Variants in PACRG observed in about 807,000 individuals in gnomAD.
PACRG encodes parkin coregulated, also known as parkin coregulated gene protein.
A neutral mutation model predicts 29.7 loss-of-function variants in PACRG; 29 were observed. The observed-to-expected ratio is 0.98, with a 90% CI of 0.73 to 1.33. The LOEUF (loss-of-function observed/expected upper bound fraction) is 1.33. Ranked by LOEUF, PACRG falls within the 40% of genes most tolerant of loss-of-function variation. The pLI is 0.00. For missense variants in PACRG, 279 were observed against 316.2 expected (o/e 0.88, Z 0.89); for synonymous variants, 116 against 118.7 (o/e 0.98, Z 0.15).
At chr6:163,088,229 C>A (rs758103499) in intron 3 of PACRG, among the ~76,000 whole-genome samples, 3 of 152,164 alleles carry the variant, frequency 2.0e-5, no homozygotes, top group Non-Finnish European at 2.9e-5. Context: ...TGTCCCTTCA[C>A]AGTGGCATCT....
At chr6:162,810,931 T>G (rs954233114) in intron 1 of PACRG, among the ~76,000 whole-genome samples, 2 of 152,046 alleles carry the variant, frequency 1.3e-5, no homozygotes, top group East Asian at 3.9e-4. Context: ...ACCTACAGAT[T>G]CACAAAGTTG....
At chr6:162,933,040 G>A (rs1797967336) in intron 2 of PACRG, among the ~76,000 whole-genome samples, 1 of 151,818 alleles carries the variant, frequency 6.6e-6, no homozygotes, top group South Asian at 2.1e-4. Context: ...TATCTCATAT[G>A]ATTTGGTATA....
chr6:163,302,348 C>G (rs376137220), intron 4 of PACRG, among the ~76,000 whole-genome samples: 29 of 151,222 alleles, frequency 1.9e-4, no homozygotes, highest in East Asian at 1.8e-3. Flanking sequence ...CAAGCATTTT[C>G]AGACTGTGTC....
chr6:163,092,285 G>A (rs1228697693), intron 4 of PACRG, among the ~76,000 whole-genome samples: 1 of 151,684 alleles, frequency 6.6e-6, no homozygotes, highest in African/African-American at 2.4e-5. Flanking sequence ...GAGCCAGGGA[G>A]CTAGACATTG....
At chr6:163,204,534 C>T (rs1780824123) in intron 4 of PACRG, among the ~76,000 whole-genome samples, 1 of 152,118 alleles carries the variant, frequency 6.6e-6, no homozygotes, top group Non-Finnish European at 1.5e-5. Context: ...CAAGTGGGAC[C>T]CTGGAAACCC....
At chr6:162,733,020 G>A (rs111525004) in intron 1 of PACRG, among the ~76,000 whole-genome samples, 6 of 152,100 alleles carry the variant, frequency 3.9e-5, no homozygotes, top group East Asian at 3.9e-4. Context: ...CCCTTTGCTC[G>A]AACACCCTTC....
At chr6:162,734,177 A>T (rs965111841) in intron 1 of PACRG, among the ~76,000 whole-genome samples, 3 of 152,236 alleles carry the variant, frequency 2.0e-5, no homozygotes, top group Non-Finnish European at 4.4e-5. Flanking sequence ...TCTAGAAATG[A>T]GAATAATTTG....
intron 1 of PACRG, among the ~76,000 whole-genome samples, chr6:162,756,699 T>C (rs757538236): frequency 6.6e-6 from 1 of 152,158 alleles, no homozygotes; most frequent in Non-Finnish European, 1.5e-5. Flanking sequence ...ATTTTTTTTA[T>C]TGTTGTTTTG....
intron 2 of PACRG, among the ~76,000 whole-genome samples, chr6:162,969,874 T>G (rs1801380411): frequency 6.6e-6 from 1 of 152,206 alleles, no homozygotes; most frequent in Non-Finnish European, 1.5e-5. Context: ...TCTCCTTTCA[T>G]GCATTTGCCG....
intron 2 of PACRG, among the ~76,000 whole-genome samples, chr6:162,910,889 C>T (rs1796254824): frequency 6.6e-6 from 1 of 152,122 alleles, no homozygotes; most frequent in Non-Finnish European, 1.5e-5. Context: ...GTTAAAGCAA[C>T]TTTCTCACCT....
chr6:163,305,323 T>C (rs1205644900), intron 4 of PACRG, among the ~76,000 whole-genome samples: 2 of 152,248 alleles, frequency 1.3e-5, no homozygotes, highest in African/African-American at 4.8e-5. Context: ...GGTTTGTTTC[T>C]TAAGACCATT....
intron 3 of PACRG, among the ~76,000 whole-genome samples, chr6:163,082,346 C>T (rs1021150274): frequency 1.3e-5 from 2 of 151,954 alleles, no homozygotes; most frequent in Non-Finnish European, 2.9e-5. Context: ...TACCAAAGGG[C>T]CAAGCACATT....
intron 2 of PACRG, among the ~76,000 whole-genome samples, chr6:162,987,496 T>G (rs1431636760): frequency 6.6e-6 from 1 of 152,174 alleles, no homozygotes; most frequent in Non-Finnish European, 1.5e-5. Context: ...TTTCCCATGC[T>G]GTTCTCATGA....
chr6:163,125,594 G>T (rs1379763173), intron 4 of PACRG, among the ~76,000 whole-genome samples: 1 of 152,136 alleles, frequency 6.6e-6, no homozygotes, highest in African/African-American at 2.4e-5. Flanking sequence ...ATTCAGAAAA[G>T]AAGCATAGTC....
intron 2 of PACRG, among the ~76,000 whole-genome samples, chr6:162,937,143 CA>C (rs1247998299): frequency 6.6e-6 from 1 of 152,182 alleles, no homozygotes; most frequent in Non-Finnish European, 1.5e-5. Context: ...GGAGCTTAGA[CA>C]ATCCTGATGA....
intron 2 of PACRG, among the ~76,000 whole-genome samples, chr6:162,864,729 T>C (rs1021181276): frequency 2.0e-5 from 3 of 152,222 alleles, no homozygotes; most frequent in African/African-American, 7.2e-5. Flanking sequence ...AAGAATACTT[T>C]AGTTGGTTGG....
Position 163,314,909 on chromosome 6 carries a change from C to T in PACRG, c.696C>T (p.Phe232=), listed in dbSNP as rs140987053. ...TGATCCAGGAGACACTGGAGGCCTT[C>T]GAGCGCTACGGAGGAGAAAATGCCT... ...GDLIQETLEA[F]ERYGGENAFI... is the part of the protein sequence containing the mutation. The change falls in exon 5 of 5, where the codon TTC becomes TTT. Residue 232 remains phenylalanine (F), a synonymous_variant. Transcript: ENST00000366888. The T allele has an allele frequency of 8.5e-5, 137 of 1,614,188 alleles. No homozygotes were observed. Among genetic ancestry groups the T allele is most frequent in the African/African-American group, 5.2e-4 (39 of 75,044 alleles).
intron 4 of PACRG, among the ~76,000 whole-genome samples, chr6:163,126,080 C>T (rs550060151): frequency 2.6e-5 from 4 of 152,232 alleles, no homozygotes; most frequent in Admixed American, 6.5e-5. Context: ...AAAACACTTA[C>T]GTATATCCTA....
chr6:163,311,907 T>C (rs12529659), intron 4 of PACRG, among the ~76,000 whole-genome samples: 25,142 of 152,172 alleles, frequency 0.17, 2,807 homozygotes, highest in African/African-American at 0.31. Context: ...CTTTCCATTG[T>C]GTGCAGATCT....
Sources: allele counts gnomAD v4.1 joint callset (sites outside exome capture counted in the v4.1 genomes callset), GRCh38; gene constraint gnomAD v4.1.1; transcripts MANE v1.5; gene names NCBI Gene and HGNC (gene_info 2026-07-23, HGNC 2026-07-21).